Variants in ADD2 observed in about 807,000 individuals in gnomAD.
The protein encoded by ADD2 is beta-adducin.
Under a neutral mutation model 83.0 loss-of-function variants are expected in ADD2, and 23 were observed. The ratio of observed to expected loss-of-function variants is 0.28; its 90% CI spans 0.20 to 0.39. The LOEUF is 0.39. Among genes scored for constraint, ADD2 ranks in the 10% least tolerant of loss-of-function variants. The pLI is 1.00. For missense variants in ADD2, 758 were observed against 944.9 expected (o/e 0.80, Z 2.59); for synonymous variants, 375 against 375.4 (o/e 1.00, Z 0.01).
rs1675508566 is a variant in ADD2, at chr2:70,768,144, C to T, written c.-412G>A. ...AAGGCTCGGGTTCCCGCTAGTCCCT[C>T]ACAGCCCTGCCGTCAGAATTAAAGC... On this transcript the variant is annotated 5_prime_UTR_variant, in exon 1 of 16. An upstream open reading frame in the 5' UTR loses its in-frame stop. Coordinates refer to ENST00000264436, the MANE Select transcript of ADD2 (RefSeq NM_001617.4). The T allele has an allele frequency of 3.2e-6, 2 of 625,528 alleles. No individual in the cohort carries two copies. Among genetic ancestry groups the T allele is most frequent in the Non-Finnish European group, 5.5e-6 (2 of 361,612 alleles). 38.7% of individuals were successfully genotyped at this position (625,528 alleles called of 1,614,324 possible).
Position 70,695,754 on chromosome 2 carries a change from T to G in ADD2, c.522A>C (p.Gly174=). 6.2e-7 allele frequency: 1 copy of G among 1,614,088 alleles called. No homozygotes were observed. The highest frequency in any genetic ancestry group is 8.5e-7 in the Non-Finnish European group (1 of 1,180,012). Residue 174 remains glycine (G), a synonymous_variant, in exon 6 of 16, where the codon GGA becomes GGC. Transcript: ENST00000264436. ...EQDHFLISPK[G]VSCSEVTASS... The stretch of plus-strand genomic sequence containing the variant: ...ACGCTGTGACTTCACTGCAAGAAAC[T>G]CCCTTAGGGCTGATCAGGAAGTGGT...
chr2:70,699,564 G>C (rs1311224045), intron 4 of ADD2, among the ~76,000 whole-genome samples: 6 of 152,124 alleles, frequency 3.9e-5, no homozygotes, highest in African/African-American at 1.4e-4. Flanking sequence ...AAACTCGCTT[G>C]AGCCTAGGAG....
chr2:70,694,026 G>C (rs1437956003), intron 6 of ADD2, among the ~76,000 whole-genome samples: 1 of 152,118 alleles, frequency 6.6e-6, no homozygotes, highest in Non-Finnish European at 1.5e-5. Context: ...AGCACAGGTT[G>C]GATTTCACCC....
At position 70,674,843 on chromosome 2, in the gene ADD2, A is replaced by C; in HGVS notation, c.1594-18T>G. On this transcript the variant is annotated intron_variant, in intron 13 of 15. Coordinates refer to ENST00000264436, the MANE Select transcript of ADD2 (RefSeq NM_001617.4). ...TCTGTAGACTGAAAGTTAACCACAG[A>C]GGGTGTGTCGCTCTCTGAACGCCGC... 12 of 1,610,884 alleles carry C rather than the reference A, an allele frequency of 7.4e-6. No individual in the cohort carries two copies. Among genetic ancestry groups the C allele is most frequent in the Non-Finnish European group, 1.0e-5 (12 of 1,178,584 alleles).
chr2:70,705,001 C>T (rs1462900699), intron 3 of ADD2, among the ~76,000 whole-genome samples: 6 of 152,288 alleles, frequency 3.9e-5, no homozygotes, highest in Admixed American at 3.9e-4. Flanking sequence ...GAATCCTGCC[C>T]ACCAGGTGGC....
intron 1 of ADD2, among the ~76,000 whole-genome samples, chr2:70,720,258 G>C (rs1183670953): frequency 2.0e-5 from 3 of 152,170 alleles, no homozygotes; most frequent in South Asian, 2.1e-4. Flanking sequence ...CTGGTGTGGA[G>C]GAGGGGAAGG....
At position 70,695,814 on chromosome 2, in the gene ADD2, C is replaced by T. The variant is rs1553372512; in HGVS notation, c.475-13G>A. 6.2e-7 allele frequency: 1 copy of T among 1,612,502 alleles called. No individual in the cohort carries two copies. The highest frequency in any genetic ancestry group is 1.3e-5 in the African/African-American group (1 of 74,982). On this transcript the variant is annotated splice_polypyrimidine_tract_variant and intron_variant, in intron 5 of 15. Coordinates refer to ENST00000264436, the MANE Select transcript of ADD2 (RefSeq NM_001617.4). ...TGCTGACTCTCAACTGGAGGAAAGA[C>T]ACAAGTTCTCAGGGGCAAGGAGGGA... is the stretch of plus-strand genomic sequence containing the variant.
Position 70,706,328 on chromosome 2 carries a change from G to A in ADD2, c.81C>T (p.Asp27=). 3 of 1,613,998 alleles carry A rather than the reference G, an allele frequency of 1.9e-6. No homozygotes were observed. Among genetic ancestry groups the A allele is most frequent in the Non-Finnish European group, 2.5e-6 (3 of 1,180,006 alleles). Residue 27 remains aspartate, a synonymous_variant, in exon 3 of 16, where the codon GAC becomes GAT. Coordinates refer to ENST00000264436, the MANE Select transcript of ADD2 (RefSeq NM_001617.4). The surrounding 1 kb of genome is among the most constrained non-coding windows in gnomAD (Gnocchi z 5.0). ...TGCGAAGGCGCATGTACTCGGGGTC[G>A]TCCTCTGAGAAGCGGTCAAAGTAAG... The part of the protein sequence containing the change: ...GQPYFDRFSE[D]DPEYMRLRNR...
At chr2:70,741,009 GA>G (rs1673869305) in intron 1 of ADD2, among the ~76,000 whole-genome samples, 1 of 152,216 alleles carries the variant, frequency 6.6e-6, no homozygotes. Flanking sequence ...CTTGGTCTAA[GA>G]AATTTTTTGA....
intron 10 of ADD2, among the ~76,000 whole-genome samples, chr2:70,681,508 ATTGAT>A (rs1670448079): frequency 6.6e-6 from 1 of 152,214 alleles, no homozygotes; most frequent in African/African-American, 2.4e-5. Context: ...CTTCAGTGAG[ATTGAT>A]TTGAGTCTGT....
chr2:70,666,685 C>T (rs1553366197), intron 15 of ADD2, among the ~76,000 whole-genome samples: 1 of 152,200 alleles, frequency 6.6e-6, no homozygotes, highest in Non-Finnish European at 1.5e-5. Flanking sequence ...TCAACCATGC[C>T]CCTCATCCAT....
In ADD2 at chr2:70,695,756, C is replaced by G. The variant is rs781789082; in HGVS notation, c.520G>C (p.Gly174Arg). The G allele has an allele frequency of 6.2e-7, 1 of 1,614,142 alleles. No homozygotes were observed. Among genetic ancestry groups the G allele is most frequent in the South Asian group, 1.1e-5 (1 of 91,060 alleles). ...GCTGTGACTTCACTGCAAGAAACTC[C>G]CTTAGGGCTGATCAGGAAGTGGTCC... The part of the protein sequence containing the change: ...EQDHFLISPK[G>R]VSCSEVTASS... Residue 174 changes from glycine to arginine, a missense_variant, in exon 6 of 16, where the codon GGA (glycine) becomes CGA (arginine). By Grantham distance (125) the Gly-to-Arg change is moderately radical. Coordinates refer to ENST00000264436, the MANE Select transcript of ADD2 (RefSeq NM_001617.4).
chr2:70,719,397 A>G (rs1179349647), intron 1 of ADD2, among the ~76,000 whole-genome samples: 1 of 152,224 alleles, frequency 6.6e-6, no homozygotes, highest in Admixed American at 6.5e-5. Context: ...ATACTGGGGT[A>G]CAGTGCTCTG....
At chr2:70,667,560 A>G (rs886622310) in intron 15 of ADD2, among the ~76,000 whole-genome samples, 7 of 152,134 alleles carry the variant, frequency 4.6e-5, no homozygotes, top group Non-Finnish European at 1.0e-4. Context: ...TGGGTAAGGG[A>G]TGCCCAGATA....
chr2:70,683,800 GTGCACATGGGTACCC>G, intron 9 of ADD2, 33 bp from the exon 10 acceptor site: 1 of 1,592,584 alleles, frequency 6.3e-7, no homozygotes. Context: ...CTCAGCCCAT[GTGCACATGGGTACCC>G]TGCACTTATC....
At chr2:70,715,710 C>T (rs1238694006) in intron 1 of ADD2, among the ~76,000 whole-genome samples, 2 of 152,174 alleles carry the variant, frequency 1.3e-5, no homozygotes, top group African/African-American at 4.8e-5. Flanking sequence ...AAAAATCAAC[C>T]TGCAAATGGA....
chr2:70,725,941 G>C (rs148455760), intron 1 of ADD2, among the ~76,000 whole-genome samples: 3 of 152,058 alleles, frequency 2.0e-5, no homozygotes, highest in African/African-American at 7.2e-5. Context: ...AGAATGTATT[G>C]TCTTGGGAGG....
At chr2:70,666,562 C>A (rs1675809472) in intron 15 of ADD2, among the ~76,000 whole-genome samples, 1 of 152,232 alleles carries the variant, frequency 6.6e-6, no homozygotes, top group Admixed American at 6.5e-5. Flanking sequence ...ATGGTTGGGG[C>A]ACTTGCCTTC....
At chr2:70,767,765 G>A (rs1381572442) in intron 1 of ADD2, 121 bp downstream of exon 1, 28 of 1,458,176 alleles carry the variant, frequency 1.9e-5, no homozygotes, top group Middle Eastern at 2.2e-4. Flanking sequence ...CGACGCGCTC[G>A]GCAACAGACG....
Sources: gnomAD v4.1 joint callset for allele counts (sites outside exome capture counted in the v4.1 genomes callset) on GRCh38, gnomAD v4.1.1 for gene constraint, Gnocchi (gnomAD v3.1) non-coding constraint, MANE v1.5 for transcripts, NCBI Gene and HGNC (gene_info 2026-07-23, HGNC 2026-07-21) for gene names.